DYSF: variants seen among roughly 807,000 people sequenced by gnomAD.
DYSF encodes dysferlin.
DYSF carries 212 observed loss-of-function variants against 274.9 expected under a neutral mutation model. That is an observed-to-expected ratio of 0.77 (90% confidence interval 0.69 to 0.86). The LOEUF (loss-of-function observed/expected upper bound fraction) is 0.86, where lower values mean the gene tolerates loss of function less well. Among genes scored for constraint, DYSF ranks in the 40% least tolerant of loss-of-function variants. The pLI is 0.00. For missense variants in DYSF, 2,666 were observed against 2,783.2 expected (o/e 0.96, Z 0.95); for synonymous variants, 1,091 against 1,078.7 (o/e 1.01, Z -0.22).
At chr2:71,511,628 C>T (rs980955347) in intron 4 of DYSF, among the ~76,000 whole-genome samples, 179 bp from the exon 5 acceptor site, 25 of 152,320 alleles carry the variant, frequency 1.6e-4, no homozygotes, top group African/African-American at 5.5e-4. Flanking sequence ...TTCTGTGCTT[C>T]GAACCACCTG....
intron 10 of DYSF, among the ~76,000 whole-genome samples, chr2:71,517,328 G>T (rs2086764647): frequency 6.6e-6 from 1 of 152,170 alleles, no homozygotes; most frequent in South Asian, 2.1e-4. Context: ...AAGACAGAAA[G>T]AAATCTCACG....
intron 1 of DYSF, among the ~76,000 whole-genome samples, chr2:71,461,195 G>C (rs2081271827): frequency 2.0e-5 from 3 of 152,208 alleles, no homozygotes; most frequent in South Asian, 4.1e-4. Context: ...AGCTAGACAC[G>C]AAACGGGTGA....
chr2:71,488,616 C>T (rs992298112), intron 3 of DYSF, among the ~76,000 whole-genome samples: 2 of 152,120 alleles, frequency 1.3e-5, no homozygotes, highest in African/African-American at 4.8e-5. Context: ...TGAGTGGGCT[C>T]CCTGTGTTTT....
intron 12 of DYSF, among the ~76,000 whole-genome samples, chr2:71,523,843 C>T (rs1287152570): frequency 1.3e-5 from 2 of 152,180 alleles, no homozygotes; most frequent in African/African-American, 2.4e-5. Flanking sequence ...CTGCGCCTGG[C>T]CGCCAGTCAT....
chr2:71,515,692 G>T lies in DYSF; in HGVS notation c.829G>T (p.Ala277Ser), dbSNP rs770518944. The T allele has an allele frequency of 6.2e-7, 1 of 1,614,094 alleles. No individual in the cohort carries two copies. The highest frequency in any genetic ancestry group is 1.1e-5 in the South Asian group (1 of 91,076). The part of the protein sequence containing the change: ...VNIKPVVKVT[A>S]AGQTKRTRIH... ...CATCAAGCCTGTGGTCAAGGTTACC[G>T]CTGCAGGGCAGACCAAGCGGACGCG... Residue 277 changes from alanine (A) to serine (S), a missense_variant, in exon 8 of 56, where the codon GCT becomes TCT. Ala to Ser is a moderately conservative substitution (Grantham distance 99). Transcript: ENST00000410020.
intron 42 of DYSF, among the ~76,000 whole-genome samples, chr2:71,652,804 A>T (rs1270642917): frequency 6.6e-6 from 1 of 152,254 alleles, no homozygotes; most frequent in African/African-American, 2.4e-5. Context: ...AGATCAATAG[A>T]GCAGAGAAGA....
At chr2:71,644,541 C>T (rs1319244237) in intron 42 of DYSF, among the ~76,000 whole-genome samples, 5 of 152,186 alleles carry the variant, frequency 3.3e-5, no homozygotes, top group East Asian at 1.9e-4. Context: ...AAAAGAGAGT[C>T]GGTTTGAGAA....
At chr2:71,464,034 T>G (rs1250657771), upstream of DYSF, among the ~76,000 whole-genome samples, 2 of 152,112 alleles carry the variant, frequency 1.3e-5, no homozygotes, top group Non-Finnish European at 2.9e-5. Context: ...AGGCTCAGAC[T>G]CTCCTCTCTT....
chr2:71,673,095 G>A (rs574240865), intron 51 of DYSF, among the ~76,000 whole-genome samples: 4 of 152,350 alleles, frequency 2.6e-5, no homozygotes, highest in African/African-American at 7.2e-5. Flanking sequence ...CCCCTGCAGA[G>A]TTGGGTCCAG....
intron 14 of DYSF, among the ~76,000 whole-genome samples, chr2:71,531,481 A>G (rs2088696015): frequency 6.6e-6 from 1 of 151,438 alleles, no homozygotes; most frequent in South Asian, 2.1e-4. Flanking sequence ...CCCCGCTCCA[A>G]CTCTCATGGA....
rs374181662 is a variant in DYSF, at chr2:71,685,642, G to T, written c.6322-812G>T. Among the ~76,000 whole-genome samples, 45 of 152,336 alleles carry T rather than the reference G, an allele frequency of 3.0e-4. No individual in the cohort carries two copies. In the East Asian group the frequency reaches 7.9e-3, roughly 27 times the overall value. On this transcript the variant is annotated intron_variant, in intron 55 of 55. Transcript: ENST00000410020. ...CCTCTTGGAAATTCCCTTGGGAGGG[G>T]TATGAGGGGGCAGCCTGTCTGATTC...
At position 71,597,438 on chromosome 2, in the gene DYSF, T is replaced by G. The variant is rs184835133; in HGVS notation, c.3575-1126T>G. The stretch of plus-strand genomic sequence containing the variant: ...AGTTATATGCACTCAGACCCTCTCC[T>G]GCATTGGTTTCCAAAATGTGGTCCC... On this transcript the variant is annotated intron_variant, in intron 32 of 55. Transcript: ENST00000410020. Among the ~76,000 whole-genome samples the G allele has an allele frequency of 4.0e-3, 607 of 152,330 alleles. 5 individuals carry two copies. The highest frequency in any genetic ancestry group is 0.014 in the African/African-American group (577 of 41,568).
upstream of DYSF, among the ~76,000 whole-genome samples, chr2:71,465,993 T>C (rs1311107938): frequency 2.0e-5 from 3 of 152,062 alleles, no homozygotes; most frequent in Admixed American, 6.5e-5. Flanking sequence ...GGGAACGCAG[T>C]ATGATTTGAA....
intron 22 of DYSF, among the ~76,000 whole-genome samples, chr2:71,558,058 G>A (rs777095589): frequency 2.7e-4 from 41 of 151,852 alleles, no homozygotes; most frequent in South Asian, 1.5e-3. Flanking sequence ...AATGACCCTC[G>A]TTTTACAGAT....
At chr2:71,578,983 G>A (rs745393903) in intron 30 of DYSF, among the ~76,000 whole-genome samples, 41 of 152,260 alleles carry the variant, frequency 2.7e-4, no homozygotes, top group Non-Finnish European at 5.7e-4. Context: ...CTAATATCCT[G>A]GCATTTCCAA....
intron 3 of DYSF, among the ~76,000 whole-genome samples, chr2:71,482,915 T>C (rs1297077226): frequency 6.6e-6 from 1 of 152,116 alleles, no homozygotes; most frequent in African/African-American, 2.4e-5. Flanking sequence ...GGGGAGCCTT[T>C]GTTTGGGAAC....
intron 41 of DYSF, among the ~76,000 whole-genome samples, chr2:71,639,511 T>G (rs2094455673): frequency 6.6e-6 from 1 of 152,188 alleles, no homozygotes; most frequent in Non-Finnish European, 1.5e-5. Flanking sequence ...TTTTTAACCC[T>G]TTATAAATCT....
At chr2:71,578,044 C>A (rs1429520121) in intron 30 of DYSF, among the ~76,000 whole-genome samples, 2 of 152,094 alleles carry the variant, frequency 1.3e-5, no homozygotes, top group Non-Finnish European at 2.9e-5. Flanking sequence ...TAACTGAATC[C>A]CAGGGCCATT....
intron 17 of DYSF, among the ~76,000 whole-genome samples, chr2:71,548,385 G>A (rs975274688): frequency 6.6e-6 from 1 of 152,216 alleles, no homozygotes; most frequent in Non-Finnish European, 1.5e-5. Context: ...AACAGGTAAA[G>A]GTGAACAAGG....
Sources: gnomAD v4.1 joint callset for allele counts (sites outside exome capture counted in the v4.1 genomes callset) on GRCh38, gnomAD v4.1.1 for gene constraint, MANE v1.5 for transcripts, NCBI Gene and HGNC (gene_info 2026-07-23, HGNC 2026-07-21) for gene names.